RALYL: variants seen among roughly 807,000 people sequenced by gnomAD.
The protein encoded by RALYL is RNA-binding Raly-like protein.
RALYL carries 29 observed loss-of-function variants against 35.1 expected under a neutral mutation model. The ratio of observed to expected loss-of-function variants is 0.83; its 90% CI spans 0.61 to 1.13. The LOEUF is 1.13. Ranked by LOEUF, RALYL falls within the 50% of genes most tolerant of loss-of-function variation. The probability of loss-of-function intolerance (pLI) is 0.00; values close to 1 mark genes in which losing one functional copy is unlikely to be tolerated. For synonymous variants in RALYL, 120 were observed against 127.6 expected (o/e 0.94, Z 0.40); for missense variants, 359 against 360.4 (o/e 1.00, Z 0.03).
chr8:84,643,191 C>T (rs1826759834), intron 2 of RALYL, among the ~76,000 whole-genome samples: 1 of 151,780 alleles, frequency 6.6e-6, no homozygotes, highest in Non-Finnish European at 1.5e-5. Context: ...AAACAGTCCC[C>T]CCACCCCCAA....
At chr8:84,358,531 G>A (rs1206436892) in intron 1 of RALYL, among the ~76,000 whole-genome samples, 1 of 152,050 alleles carries the variant, frequency 6.6e-6, no homozygotes, top group Non-Finnish European at 1.5e-5. Context: ...GATGAAAGAA[G>A]AGATTAGTGA....
chr8:84,362,226 C>T (rs1853189852), intron 1 of RALYL, among the ~76,000 whole-genome samples: 1 of 152,048 alleles, frequency 6.6e-6, no homozygotes, highest in African/African-American at 2.4e-5. Context: ...TCTTAAATTG[C>T]CTTACCATGG....
chr8:84,274,501 G>A (rs1455588687), intron 1 of RALYL, among the ~76,000 whole-genome samples: 1 of 152,062 alleles, frequency 6.6e-6, no homozygotes, highest in Non-Finnish European at 1.5e-5. Flanking sequence ...AAAGAATAAT[G>A]CTTTCATCTT....
chr8:84,772,053 A>C (rs868198479), intron 2 of RALYL, among the ~76,000 whole-genome samples: 1 of 152,004 alleles, frequency 6.6e-6, no homozygotes, highest in Admixed American at 6.6e-5. Flanking sequence ...GTTCAATTTC[A>C]TATTTGTCCT....
At chr8:84,405,445 AATAG>A (rs1384442651) in intron 1 of RALYL, among the ~76,000 whole-genome samples, 3 of 152,176 alleles carry the variant, frequency 2.0e-5, no homozygotes, top group Non-Finnish European at 2.9e-5. Context: ...AGATTAACAA[AATAG>A]ATAGACCACT....
intron 1 of RALYL, among the ~76,000 whole-genome samples, chr8:84,509,737 G>T (rs2057456436): frequency 6.6e-6 from 1 of 152,034 alleles, no homozygotes; most frequent in Admixed American, 6.5e-5. Context: ...TTGTATGTAG[G>T]TGTCCAGTTA....
intron 2 of RALYL, among the ~76,000 whole-genome samples, chr8:84,638,513 CA>C (rs1363461644): frequency 6.6e-6 from 1 of 151,536 alleles, no homozygotes; most frequent in Non-Finnish European, 1.5e-5. Flanking sequence ...ATAAATGAAA[CA>C]AAAAGCTTGT....
chr8:84,764,112 G>A (rs1813327522), intron 2 of RALYL, among the ~76,000 whole-genome samples: 1 of 152,156 alleles, frequency 6.6e-6, no homozygotes, highest in Non-Finnish European at 1.5e-5. Flanking sequence ...CTGTGTCTTG[G>A]GAAGAAACCA....
intron 1 of RALYL, among the ~76,000 whole-genome samples, chr8:84,239,137 G>C (rs887534565): frequency 1.3e-5 from 2 of 152,154 alleles, no homozygotes; most frequent in African/African-American, 2.4e-5. Flanking sequence ...TCCTCTTGAT[G>C]TATGGTTTGA....
At chr8:84,763,460 A>G (rs1284864942) in intron 2 of RALYL, among the ~76,000 whole-genome samples, 1 of 152,060 alleles carries the variant, frequency 6.6e-6, no homozygotes, top group Non-Finnish European at 1.5e-5. Flanking sequence ...TATAGCTGAG[A>G]TTTTTCACCA....
In RALYL at chr8:84,485,704, T is replaced by G. The variant is rs1036061100; in HGVS notation, c.-23-43595T>G. On this transcript the variant is annotated intron_variant, in intron 1 of 8. Transcript: ENST00000521268. ...CAGGACAAAACCTTGGAATTTTTCT[T>G]GATTTATTTTTTCTCTCATCCAAGA... Among the ~76,000 whole-genome samples the G allele has an allele frequency of 2.0e-5, 3 of 152,194 alleles. No homozygotes were observed. In the East Asian group the frequency reaches 5.8e-4, roughly 29 times the overall value.
Position 84,794,877 on chromosome 8 carries a change from G to A in RALYL, c.333-9893G>A, listed in dbSNP as rs536867414. 2.0e-4 allele frequency among the ~76,000 whole-genome samples: 31 copies of A among 152,296 alleles called. 1 individual carries two copies. In the Middle Eastern group the frequency reaches 0.02, roughly 100 times the overall value. ...TATGAAAGAACATTACAGTCCATCC[G>A]AGGGAGATGAGCCCTGCAGCCTTAA... On this transcript the variant is annotated intron_variant, in intron 3 of 8. Coordinates refer to ENST00000521268, the MANE Select transcript of RALYL (RefSeq NM_173848.7).
At chr8:84,631,663 A>G (rs1162632088) in intron 2 of RALYL, among the ~76,000 whole-genome samples, 1 of 151,746 alleles carries the variant, frequency 6.6e-6, no homozygotes, top group Admixed American at 6.6e-5. Flanking sequence ...AATTCAGGAT[A>G]GAGGAAGACT....
At chr8:84,185,808 G>T (rs544459562) in intron 1 of RALYL, among the ~76,000 whole-genome samples, 38 of 152,248 alleles carry the variant, frequency 2.5e-4, no homozygotes, top group Middle Eastern at 3.4e-3. Context: ...AACATACAGA[G>T]GGGCCCATGA....
chr8:84,527,139 G>T (rs578100947), intron 1 of RALYL, among the ~76,000 whole-genome samples: 10 of 152,306 alleles, frequency 6.6e-5, no homozygotes, highest in South Asian at 4.1e-4. Flanking sequence ...AAACTGACAA[G>T]TCGGTGGTTG....
intron 1 of RALYL, among the ~76,000 whole-genome samples, chr8:84,422,056 G>T (rs1333659767): frequency 6.6e-6 from 1 of 151,958 alleles, no homozygotes; most frequent in East Asian, 1.9e-4. Context: ...GATGATGCTG[G>T]CCTCATAAAA....
At chr8:84,517,990 G>T (rs1192432209) in intron 1 of RALYL, among the ~76,000 whole-genome samples, 4 of 152,132 alleles carry the variant, frequency 2.6e-5, no homozygotes, top group Non-Finnish European at 5.9e-5. Context: ...TGGAATCCTT[G>T]TTGGCATAAC....
At chr8:84,207,816 GTGTGTATA>G (rs1411475681) in intron 1 of RALYL, among the ~76,000 whole-genome samples, 1 of 137,562 alleles carries the variant, frequency 7.3e-6, no homozygotes, top group Non-Finnish European at 1.6e-5. Flanking sequence ...GTGTGTGTGT[GTGTGTATA>G]TATATATATA....
chr8:84,783,454 C>G (rs1818668544), intron 3 of RALYL, among the ~76,000 whole-genome samples: 1 of 152,158 alleles, frequency 6.6e-6, no homozygotes, highest in South Asian at 2.1e-4. Flanking sequence ...ATATAATCAA[C>G]AAGTAGTCCT....
Sources: gnomAD v4.1 joint callset for allele counts (sites outside exome capture counted in the v4.1 genomes callset) on GRCh38, gnomAD v4.1.1 for gene constraint, MANE v1.5 for transcripts, NCBI Gene and HGNC (gene_info 2026-07-23, HGNC 2026-07-21) for gene names.